The following RASSF2 variants were observed in gnomAD, a reference collection of about 807,000 sequenced individuals.
The protein encoded by RASSF2 is Ras association domain family member 2.
In RASSF2, 34 loss-of-function variants were observed where a neutral mutation model predicts 46.3. The ratio of observed to expected loss-of-function variants is 0.73; its 90% confidence interval spans 0.56 to 0.98. The LOEUF is 0.98. RASSF2 is among the 50% of genes least tolerant of loss of function. The pLI is 0.00. For synonymous variants in RASSF2, 158 were observed against 162.5 expected (o/e 0.97, Z 0.21); for missense variants, 364 against 431.2 (o/e 0.84, Z 1.38).
intron 2 of RASSF2, among the ~76,000 whole-genome samples, chr20:4,813,950 G>A (rs904044050): frequency 6.6e-6 from 1 of 152,138 alleles, no homozygotes; most frequent in Non-Finnish European, 1.5e-5. Context: ...GTCCCTCGTG[G>A]GCTCCAGTTC....
At chr20:4,802,332 GTGA>G (rs1158968287) in intron 2 of RASSF2, among the ~76,000 whole-genome samples, 3 of 151,712 alleles carry the variant, frequency 2.0e-5, no homozygotes, top group African/African-American at 7.3e-5. Flanking sequence ...CACTACCCCA[GTGA>G]TGATGACCAA....
intron 9 of RASSF2, 69 bp downstream of exon 9, chr20:4,788,148 G>T (rs577566160): frequency 1.4e-5 from 19 of 1,350,140 alleles, no homozygotes; most frequent in Admixed American, 8.9e-5. Context: ...AGGAGGCAGA[G>T]GTATTTTTTT....
intron 11 of RASSF2, among the ~76,000 whole-genome samples, chr20:4,784,618 T>TA (rs1260972237): frequency 0.011 from 1,102 of 102,464 alleles, 6 homozygotes; most frequent in Non-Finnish European, 0.018. Context: ...AAAAAAAAGG[T>TA]AAAAAAAAAC....
In RASSF2 at chr20:4,818,266, CA is replaced by C. The variant is rs796191821; in HGVS notation, c.-33+4062del. On this transcript the variant is annotated intron_variant, in intron 2 of 11. Transcript: ENST00000379400. ...TAGGCAACAGAGTGAGACTCCAACTCAAAAAAAAAAACACAATAATAATCAT... is the reference window on the plus strand; with the variant it reads ...TAGGCAACAGAGTGAGACTCCAACTCAAAAAAAAAACACAATAATAATCAT... Among the ~76,000 whole-genome samples the C allele has an allele frequency of 5.2e-4, 73 of 141,438 alleles. No individual in the cohort carries two copies. In the East Asian group the frequency reaches 8.1e-3, roughly 16 times the overall value. The allele number at this position is 141,438 out of a possible 152,430, so 92.8% of individuals were successfully genotyped here. A position where few individuals can be genotyped will look rare whatever the true frequency, so the allele number is the denominator to read the frequency against.
At chr20:4,813,583 G>A (rs1490714070) in intron 2 of RASSF2, among the ~76,000 whole-genome samples, 2 of 152,240 alleles carry the variant, frequency 1.3e-5, no homozygotes, top group Admixed American at 6.5e-5. Context: ...AAGCCCCACT[G>A]GCATCCACAA....
At chr20:4,811,793 C>T in intron 2 of RASSF2, among the ~76,000 whole-genome samples, 1 of 151,998 alleles carries the variant, frequency 6.6e-6, no homozygotes, top group Non-Finnish European at 1.5e-5. Flanking sequence ...AGGAAACGCT[C>T]ACTGGAGGCC....
intron 11 of RASSF2, among the ~76,000 whole-genome samples, chr20:4,785,929 C>T (rs1039552762): frequency 6.6e-6 from 1 of 152,232 alleles, no homozygotes; most frequent in Non-Finnish European, 1.5e-5. Flanking sequence ...CCTATTTCTG[C>T]ATCTAGACCC....
At chr20:4,805,265 C>T (rs2423014) in intron 2 of RASSF2, among the ~76,000 whole-genome samples, 51,788 of 151,918 alleles carry the variant, frequency 0.34, 8,887 homozygotes, top group Admixed American at 0.4. Flanking sequence ...AATGTAACCA[C>T]CAGTGTCCTT....
At position 4,792,582 on chromosome 20, in the gene RASSF2, C is replaced by G. The variant is rs781600981; in HGVS notation, c.333G>C (p.Glu111Asp). 5.6e-6 allele frequency: 9 copies of G among 1,613,998 alleles called. No homozygotes were observed. Among genetic ancestry groups the G allele is most frequent in the South Asian group, 2.2e-5 (2 of 91,086 alleles). ...GGTCACCCTCCGGCGGGGCATCCAC[C>G]TCTGAGATCTGAACTTTGGGCACAG... ...PLTVPKVQIS[E>D]VDAPPEGDQM... The change falls in exon 6 of 12, where the codon GAG (glutamate) becomes GAC (aspartate). Residue 111 changes from glutamate to aspartate, a missense_variant. Glu to Asp is a conservative substitution (Grantham distance 45, BLOSUM62 2). Coordinates refer to ENST00000379400, the MANE Select transcript of RASSF2 (RefSeq NM_014737.3).
rs1238080002 is a variant in RASSF2, at chr20:4,790,259, G to T, written c.537+192C>A. 1.3e-5 allele frequency among the ~76,000 whole-genome samples: 2 copies of T among 152,196 alleles called. No homozygotes were observed. Among genetic ancestry groups the T allele is most frequent in the African/African-American group, 2.4e-5 (1 of 41,452 alleles). On this transcript the variant is annotated intron_variant, in intron 7 of 11. Coordinates refer to ENST00000379400, the MANE Select transcript of RASSF2 (RefSeq NM_014737.3). This position sits in a 1 kb window ranked among gnomAD's most constrained non-coding sequence, Gnocchi z 4.3. ...GGGGAACCCACAGGGGGACTTTGAG[G>T]CTTCTGACCTGGGGTCCCTCAGCCC...
At chr20:4,800,510 C>T (rs1391392697) in intron 3 of RASSF2, among the ~76,000 whole-genome samples, 1 of 152,218 alleles carries the variant, frequency 6.6e-6, no homozygotes, top group African/African-American at 2.4e-5. Flanking sequence ...TGCGTCCTCA[C>T]ACCGCGGAGG....
At chr20:4,797,398 C>T (rs746513825) in intron 4 of RASSF2, among the ~76,000 whole-genome samples, 10 of 152,166 alleles carry the variant, frequency 6.6e-5, no homozygotes, top group Non-Finnish European at 1.2e-4. Context: ...TTTTATCAGT[C>T]ACAGGCGCTT....
intron 6 of RASSF2, among the ~76,000 whole-genome samples, chr20:4,791,626 A>G (rs752379939): frequency 6.6e-6 from 1 of 152,222 alleles, no homozygotes; most frequent in Non-Finnish European, 1.5e-5. Context: ...CAAACTGACA[A>G]TATCTATGAA....
chr20:4,796,176 G>A (rs548889655), intron 4 of RASSF2, among the ~76,000 whole-genome samples: 5 of 152,314 alleles, frequency 3.3e-5, no homozygotes, highest in South Asian at 4.1e-4. Flanking sequence ...GACCTCACAG[G>A]TCAGCACAAA....
intron 2 of RASSF2, among the ~76,000 whole-genome samples, chr20:4,807,161 AAAT>A (rs1414577513): frequency 6.6e-6 from 1 of 152,170 alleles, no homozygotes; most frequent in Non-Finnish European, 1.5e-5. Context: ...TAATTTTTTA[AAAT>A]ATCACTAGAG....
At chr20:4,811,922 TAC>T (rs1927853980) in intron 2 of RASSF2, among the ~76,000 whole-genome samples, 1 of 152,184 alleles carries the variant, frequency 6.6e-6, no homozygotes. Context: ...TGCTTTCCAC[TAC>T]AGTGTTAAAG....
At chr20:4,813,761 G>T (rs545815430) in intron 2 of RASSF2, among the ~76,000 whole-genome samples, 26 of 149,344 alleles carry the variant, frequency 1.7e-4, no homozygotes, top group African/African-American at 6.2e-4. Context: ...CCCGGTGTGT[G>T]AGTGAGAGTC....
At chr20:4,787,894 G>T in intron 9 of RASSF2, 140 bp from the exon 10 acceptor site, 1 of 1,132,996 alleles carries the variant, frequency 8.8e-7, no homozygotes, top group Non-Finnish European at 1.3e-6. Flanking sequence ...TATTCCATAG[G>T]TGTTGTGAAA....
At chr20:4,796,087 A>C in intron 4 of RASSF2, 121 bp from the exon 5 acceptor site, 1 of 1,086,100 alleles carries the variant, frequency 9.2e-7, no homozygotes, top group Non-Finnish European at 1.2e-6. Flanking sequence ...GACTGTATTC[A>C]CAGGATAGGG....
Sources: allele counts gnomAD v4.1 joint callset (sites outside exome capture counted in the v4.1 genomes callset), GRCh38; gene constraint gnomAD v4.1.1; non-coding constraint Gnocchi (gnomAD v3.1); transcripts MANE v1.5; gene names NCBI Gene and HGNC (gene_info 2026-07-23, HGNC 2026-07-21).